Variants in SEMA3D observed in about 807,000 individuals in gnomAD.
The protein encoded by SEMA3D is semaphorin 3D, also known as semaphorin-3D.
Under a neutral mutation model 100.1 loss-of-function variants are expected in SEMA3D, and 84 were observed. That is an observed-to-expected ratio of 0.84 (90% CI 0.70 to 1.01). The LOEUF (loss-of-function observed/expected upper bound fraction) is 1.01, where lower values mean the gene tolerates loss of function less well. Ranked by LOEUF, SEMA3D falls within the 50% of genes least tolerant of loss-of-function variation. The pLI, the probability that SEMA3D is intolerant of heterozygous loss-of-function variation, is 0.00. For synonymous variants in SEMA3D, 312 were observed against 320.7 expected (o/e 0.97, Z 0.29); for missense variants, 875 against 934.1 (o/e 0.94, Z 0.82).
In SEMA3D at chr7:84,999,179, A is replaced by C; in HGVS notation, c.*261T>G. 2.2e-6 allele frequency: 1 copy of C among 464,150 alleles called. No individual in the cohort carries two copies. The highest frequency in any genetic ancestry group is 3.8e-6 in the Non-Finnish European group (1 of 261,618). The allele number at this position is 464,150 out of a possible 1,614,324, so 28.8% of individuals were successfully genotyped here. A position where few individuals can be genotyped will look rare whatever the true frequency, so the allele number is the denominator to read the frequency against. ...GACAATAAATTCCAAAACTCAAAAC[A>C]TAAAACATTTACAACTGTAAACCCC... On this transcript the variant is annotated 3_prime_UTR_variant, in exon 19 of 19. Transcript: ENST00000284136.
chr7:85,194,028 T>C, the SEMA3D span, among the ~76,000 whole-genome samples: 1 of 151,754 alleles, frequency 6.6e-6, no homozygotes, highest in African/African-American at 2.4e-5. Context: ...CCTGGTAGAG[T>C]GATTAATTTT....
intron 9 of SEMA3D, among the ~76,000 whole-genome samples, chr7:85,051,625 A>C (rs1163235702): frequency 6.6e-6 from 1 of 151,868 alleles, no homozygotes. Flanking sequence ...TGTACTGCTG[A>C]TTTTCAAATT....
the SEMA3D span, among the ~76,000 whole-genome samples, chr7:85,235,632 G>A: frequency 2.6e-5 from 4 of 152,070 alleles, no homozygotes; most frequent in Admixed American, 2.0e-4. Context: ...TATAATATGG[G>A]TGAAAGATAA....
chr7:85,099,355 C>G (rs1254253978), intron 3 of SEMA3D, among the ~76,000 whole-genome samples: 1 of 151,938 alleles, frequency 6.6e-6, no homozygotes, highest in African/African-American at 2.4e-5. Flanking sequence ...TCACTTGGCT[C>G]TCATTCTCTC....
intron 2 of SEMA3D, among the ~76,000 whole-genome samples, chr7:85,138,376 C>A (rs1789923361): frequency 6.6e-6 from 1 of 151,872 alleles, no homozygotes; most frequent in South Asian, 2.1e-4. Context: ...GCAACCTCTG[C>A]CTCCCCGGTT....
chr7:85,210,322 G>C, the SEMA3D span, among the ~76,000 whole-genome samples: 2 of 151,976 alleles, frequency 1.3e-5, no homozygotes, highest in Admixed American at 6.6e-5. Context: ...TAAAGTGAAA[G>C]GTTATTGTTA....
intron 3 of SEMA3D, 91 bp downstream of exon 3, chr7:85,121,650 C>T (rs1789415355): frequency 2.9e-6 from 2 of 683,562 alleles, no homozygotes; most frequent in Admixed American, 7.0e-5. Flanking sequence ...TCACAGAAGT[C>T]AATATGCTTT....
chr7:85,097,830 A>G lies in SEMA3D; in HGVS notation c.287T>C (p.Val96Ala), dbSNP rs772807504. ...AKDHIFLLSL[V>A]DLNKNFKKIY... is the part of the protein sequence containing the mutation. The stretch of plus-strand genomic sequence containing the variant: ...CTTCTTAAAATTTTTGTTTAAGTCA[A>G]CCAGACTGAGTAGAAAGATGTGGTC... The change falls in exon 4 of 19, where the codon GTT becomes GCT. Residue 96 changes from valine to alanine, a missense_variant. Coordinates refer to ENST00000284136, the MANE Select transcript of SEMA3D (RefSeq NM_001384900.1). 1.2e-5 allele frequency: 19 copies of G among 1,605,018 alleles called. No homozygotes were observed. The highest frequency in any genetic ancestry group is 3.3e-5 in the South Asian group (3 of 90,240).
chr7:85,236,751 T>C, the SEMA3D span, among the ~76,000 whole-genome samples: 10 of 152,142 alleles, frequency 6.6e-5, no homozygotes, highest in Non-Finnish European at 1.2e-4. Flanking sequence ...AAATATTTGG[T>C]GTTTTAAATA....
intron 4 of SEMA3D, among the ~76,000 whole-genome samples, chr7:85,089,161 A>G (rs1368688376): frequency 6.6e-5 from 10 of 152,158 alleles, no homozygotes; most frequent in African/African-American, 2.2e-4. Flanking sequence ...AACACAAATC[A>G]TCTCCACCAA....
chr7:85,114,964 T>C (rs1451154882), intron 3 of SEMA3D, among the ~76,000 whole-genome samples: 1 of 152,176 alleles, frequency 6.6e-6, no homozygotes, highest in Admixed American at 6.5e-5. Context: ...TTTATCACAA[T>C]TGACTTTAAA....
At chr7:85,082,655 G>A (rs1788098693) in intron 4 of SEMA3D, among the ~76,000 whole-genome samples, 1 of 152,066 alleles carries the variant, frequency 6.6e-6, no homozygotes, top group Non-Finnish European at 1.5e-5. Flanking sequence ...GTTAAACCTG[G>A]AATTAACAAA....
intron 14 of SEMA3D, among the ~76,000 whole-genome samples, chr7:85,019,017 G>GA (rs140012233): frequency 6.6e-6 from 1 of 151,402 alleles, no homozygotes; most frequent in Non-Finnish European, 1.5e-5. Flanking sequence ...AGAAATATAT[G>GA]AAAAAAAATT....
chr7:85,232,938 A>C, the SEMA3D span, among the ~76,000 whole-genome samples: 1 of 152,270 alleles, frequency 6.6e-6, no homozygotes, highest in South Asian at 2.1e-4. Flanking sequence ...CTGAATGGAG[A>C]GGGAGAGACA....
intron 1 of SEMA3D, among the ~76,000 whole-genome samples, chr7:85,164,234 A>T (rs750647836): frequency 5.9e-5 from 9 of 152,094 alleles, no homozygotes; most frequent in Non-Finnish European, 1.3e-4. Flanking sequence ...ACTTGAACTA[A>T]GTCACTACAT....
chr7:85,218,195 A>T, the SEMA3D span, among the ~76,000 whole-genome samples: 1 of 152,072 alleles, frequency 6.6e-6, no homozygotes, highest in Admixed American at 6.6e-5. Context: ...CTTTAATTGG[A>T]TAAAAAAGGC....
chr7:85,168,616 A>ATT, intron 1 of SEMA3D, among the ~76,000 whole-genome samples: 2 of 82,650 alleles, frequency 2.4e-5, no homozygotes, highest in South Asian at 4.0e-4. Context: ...CGGTTTCTGC[A>ATT]ATTTTTTTTT....
intron 5 of SEMA3D, among the ~76,000 whole-genome samples, chr7:85,075,934 C>A (rs1253816442): frequency 2.9e-4 from 44 of 152,140 alleles, no homozygotes; most frequent in Non-Finnish European, 1.2e-4. Context: ...TTCTTACACA[C>A]AAAGTTTCAA....
intron 3 of SEMA3D, among the ~76,000 whole-genome samples, chr7:85,106,064 G>T (rs1423684031): frequency 4.6e-5 from 7 of 151,980 alleles, no homozygotes; most frequent in Non-Finnish European, 7.4e-5. Context: ...ATTTTCAAAA[G>T]CTTTGCTGGG....
Sources: allele counts gnomAD v4.1 joint callset (sites outside exome capture counted in the v4.1 genomes callset), GRCh38; gene constraint gnomAD v4.1.1; transcripts MANE v1.5; gene names NCBI Gene and HGNC (gene_info 2026-07-23, HGNC 2026-07-21).